Variants in PTPN2 observed in about 807,000 individuals in gnomAD.
PTPN2 encodes protein tyrosine phosphatase non-receptor type 2.
PTPN2 carries 19 observed loss-of-function variants against 57.3 expected under a neutral mutation model. The observed-to-expected ratio is 0.33, with a 90% CI of 0.23 to 0.49. The LOEUF is 0.49. PTPN2 is among the 20% of genes least tolerant of loss of function. The pLI is 0.99. For synonymous variants in PTPN2, 153 were observed against 164.9 expected (o/e 0.93, Z 0.55); for missense variants, 358 against 501.1 (o/e 0.71, Z 2.73).
intron 7 of PTPN2, among the ~76,000 whole-genome samples, chr18:12,812,168 A>C (rs2847289): frequency 0.45 from 68,022 of 152,082 alleles, 17,531 homozygotes; most frequent in Non-Finnish European, 0.57. Context: ...AACCAGCTTA[A>C]GTATTTATGC....
chr18:12,818,564 A>G (rs916507310), intron 5 of PTPN2, among the ~76,000 whole-genome samples: 7 of 152,008 alleles, frequency 4.6e-5, no homozygotes, highest in Non-Finnish European at 8.8e-5. Context: ...TGCCCCAAGG[A>G]GCACTTCTCT....
chr18:12,797,756 G>A, intron 8 of PTPN2, among the ~76,000 whole-genome samples: 1 of 152,162 alleles, frequency 6.6e-6, no homozygotes, highest in East Asian at 1.9e-4. Flanking sequence ...CAATGGGAAT[G>A]CCTCCTGTGG....
downstream of PTPN2, among the ~76,000 whole-genome samples, chr18:12,788,384 G>A (rs1186616698): frequency 7.2e-6 from 1 of 139,020 alleles, no homozygotes; most frequent in Admixed American, 7.3e-5. Context: ...TCAAAAGTTT[G>A]AACTTTTCAA....
At chr18:12,879,831 T>A (rs756939638) in intron 1 of PTPN2, among the ~76,000 whole-genome samples, 1 of 152,216 alleles carries the variant, frequency 6.6e-6, no homozygotes, top group Non-Finnish European at 1.5e-5. Flanking sequence ...GCCTTTCTTT[T>A]CCCAGCTCCA....
At chr18:12,844,812 A>T (rs979874942) in intron 2 of PTPN2, among the ~76,000 whole-genome samples, 1 of 151,942 alleles carries the variant, frequency 6.6e-6, no homozygotes, top group African/African-American at 2.4e-5. Context: ...ATAGCTAAGA[A>T]CTCTTCATCT....
At chr18:12,860,901 T>C (rs1300529645) in intron 1 of PTPN2, among the ~76,000 whole-genome samples, 1 of 152,124 alleles carries the variant, frequency 6.6e-6, no homozygotes, top group East Asian at 1.9e-4. Flanking sequence ...AATACAGAAA[T>C]GTAACAGAAA....
intron 1 of PTPN2, among the ~76,000 whole-genome samples, chr18:12,861,143 T>C (rs2043795552): frequency 6.6e-6 from 1 of 152,134 alleles, no homozygotes; most frequent in Admixed American, 6.5e-5. Context: ...ATCAGCCGAG[T>C]ATCTGAAGTT....
chr18:12,862,169 T>TTTG (rs2043832570), intron 1 of PTPN2: 1 of 151,816 alleles, frequency 6.6e-6, no homozygotes, highest in African/African-American at 2.4e-5. Flanking sequence ...TTTTTTTTTT[T>TTTG]GTTTTTTGAG....
At chr18:12,797,718 G>A (rs907953824) in intron 8 of PTPN2, among the ~76,000 whole-genome samples, 10 of 152,070 alleles carry the variant, frequency 6.6e-5, no homozygotes, top group Admixed American at 1.3e-4. Flanking sequence ...AGGTTTTCCC[G>A]TATATTTATG....
intron 2 of PTPN2, among the ~76,000 whole-genome samples, chr18:12,845,025 C>G (rs2043167938): frequency 6.6e-6 from 1 of 152,194 alleles, no homozygotes; most frequent in Non-Finnish European, 1.5e-5. Context: ...ATTTATCCCT[C>G]TGCCACTACC....
intron 1 of PTPN2, among the ~76,000 whole-genome samples, chr18:12,864,858 G>A (rs996288371): frequency 2.6e-5 from 4 of 152,236 alleles, no homozygotes; most frequent in African/African-American, 4.8e-5. Flanking sequence ...TAATTTTGCT[G>A]GGTTCAAATA....
chr18:12,842,740 A>AT, intron 2 of PTPN2, among the ~76,000 whole-genome samples: 2 of 152,342 alleles, frequency 1.3e-5, no homozygotes, highest in Middle Eastern at 6.8e-3. Context: ...TTTCTCCTAA[A>AT]TTTGACTGTC....
At chr18:12,870,269 A>ATGTGTGTGTG (rs1303533373) in intron 1 of PTPN2, among the ~76,000 whole-genome samples, 1 of 94,252 alleles carries the variant, frequency 1.1e-5, no homozygotes, top group Non-Finnish European at 1.9e-5. Flanking sequence ...ATATATATAT[A>ATGTGTGTGTG]TATGTATATA....
At position 12,801,997 on chromosome 18, in the gene PTPN2, TG is replaced by T; in HGVS notation, c.1012del (p.Gln338LysfsTer31). ...CTCACTGTTCTCCTCCATTGTATCT[TG>T]CATTTTAGAGGAAAGTCCTGTACAT... Reference protein sequence around the residue: ...DRCTGLSSKMQDTMEENSESA... With the variant: ...DRCTGLSSKMXDTMEENSESA... On this transcript the variant is annotated frameshift_variant, in exon 8 of 9. Coordinates refer to ENST00000309660, the MANE Select transcript of PTPN2 (RefSeq NM_002828.4). LOFTEE classifies it high-confidence loss of function. 6.2e-7 allele frequency: 1 copy of T among 1,609,384 alleles called. No individual in the cohort carries two copies. The highest frequency in any genetic ancestry group is 8.5e-7 in the Non-Finnish European group (1 of 1,178,390).
rs533540022 is a variant in PTPN2 at position 12,817,390 on chromosome 18, A to C, written c.496-25T>G. ...TCTAAAAAGTGAAAATCAAGGGAGA[A>C]GTTAGTTCTAACTTTTTTCTTTTAA... On this transcript the variant is annotated intron_variant, in intron 5 of 8. Coordinates refer to ENST00000309660, the MANE Select transcript of PTPN2 (RefSeq NM_002828.4). The C allele has an allele frequency of 7.8e-5, 122 of 1,572,958 alleles. 2 individuals are homozygous for C. In the South Asian group the frequency reaches 1.3e-3, roughly 17 times the overall value.
rs555705861 is a variant in PTPN2 at position 12,831,450 on chromosome 18, G to C, written c.262-409C>G. On this transcript the variant is annotated intron_variant, in intron 3 of 8. Coordinates refer to ENST00000309660, the MANE Select transcript of PTPN2 (RefSeq NM_002828.4). ...TTGCTGGCACTGCCATATGAAGGTG[G>C]CTATAGTATTCATGTACAATCTATA... Among the ~76,000 whole-genome samples, 83 of 152,146 alleles carry C rather than the reference G, an allele frequency of 5.5e-4. 1 individual carries two copies. The highest frequency in any genetic ancestry group is 3.8e-4 in the Non-Finnish European group (26 of 68,020).
intron 1 of PTPN2, among the ~76,000 whole-genome samples, chr18:12,871,859 C>T (rs906597363): frequency 2.6e-5 from 4 of 152,074 alleles, no homozygotes; most frequent in Admixed American, 2.6e-4. Flanking sequence ...ACCAGCCTGG[C>T]CAACATGGGG....
chr18:12,865,362 G>C (rs535261992), intron 1 of PTPN2, among the ~76,000 whole-genome samples: 7 of 151,900 alleles, frequency 4.6e-5, no homozygotes, highest in Middle Eastern at 3.4e-3. Context: ...TTGAGCTCAG[G>C]AGGTCAAAGC....
At chr18:12,838,340 C>T (rs75749804) in intron 2 of PTPN2, among the ~76,000 whole-genome samples, 1 of 152,172 alleles carries the variant, frequency 6.6e-6, no homozygotes, top group African/African-American at 2.4e-5. Flanking sequence ...AATCTGGTTA[C>T]CCCACATGGC....
Sources: gnomAD v4.1 joint callset for allele counts (sites outside exome capture counted in the v4.1 genomes callset) on GRCh38, gnomAD v4.1.1 for gene constraint, MANE v1.5 for transcripts, NCBI Gene and HGNC (gene_info 2026-07-23, HGNC 2026-07-21) for gene names.